The following ADGRA3 variants were observed in gnomAD, a reference collection of about 807,000 sequenced individuals.
ADGRA3 encodes G-protein coupled receptor 125.
A neutral mutation model predicts 119.8 loss-of-function variants in ADGRA3; 56 were observed. The ratio of observed to expected loss-of-function variants is 0.47; its 90% CI spans 0.38 to 0.58. The LOEUF (loss-of-function observed/expected upper bound fraction) is 0.58, where lower values mean the gene tolerates loss of function less well. ADGRA3 is among the 20% of genes least tolerant of loss of function. The probability of loss-of-function intolerance (pLI) is 0.00; values close to 1 mark genes in which losing one functional copy is unlikely to be tolerated. For synonymous variants in ADGRA3, 607 were observed against 623.8 expected (o/e 0.97, Z 0.40); for missense variants, 1,516 against 1,649.0 (o/e 0.92, Z 1.40).
chr4:22,387,446 C>T lies in ADGRA3; in HGVS notation c.*259G>A. On this transcript the variant is annotated 3_prime_UTR_variant, in exon 19 of 19. Coordinates refer to ENST00000334304, the MANE Select transcript of ADGRA3 (RefSeq NM_145290.4). ...AATATTAAGTACAAATTACAGATTC[C>T]AAGAAATTACATTTCACATCCCAAA... is the stretch of plus-strand genomic sequence containing the variant. 1 of 375,724 alleles carries T rather than the reference C, an allele frequency of 2.7e-6. No homozygotes were observed. 23.3% of individuals were successfully genotyped at this position (375,724 alleles called of 1,614,324 possible).
intron 1 of ADGRA3, among the ~76,000 whole-genome samples, chr4:22,513,062 A>T (rs754200870): frequency 3.3e-5 from 5 of 152,218 alleles, no homozygotes; most frequent in Middle Eastern, 3.4e-3. Context: ...TTCCCCAGTA[A>T]AATGAGGAAA....
chr4:22,477,958 AT>A (rs1259309484), intron 1 of ADGRA3: 3 of 152,218 alleles, frequency 2.0e-5, no homozygotes, highest in African/African-American at 7.2e-5. Context: ...CCTAAAACCC[AT>A]TCATAATCAA....
intron 2 of ADGRA3, among the ~76,000 whole-genome samples, chr4:22,467,683 A>G (rs1329881400): frequency 1.3e-5 from 2 of 152,230 alleles, no homozygotes; most frequent in Non-Finnish European, 2.9e-5. Flanking sequence ...GACATATTAT[A>G]TAACATTTAA....
chr4:22,513,130 G>A (rs937534195), intron 1 of ADGRA3, among the ~76,000 whole-genome samples: 34 of 147,820 alleles, frequency 2.3e-4, no homozygotes, highest in Non-Finnish European at 4.2e-4. Flanking sequence ...TCTTCAGCCA[G>A]AACAACTTTC....
intron 10 of ADGRA3, among the ~76,000 whole-genome samples, chr4:22,431,581 T>A (rs1467617662): frequency 6.6e-6 from 1 of 152,210 alleles, no homozygotes; most frequent in Admixed American, 6.5e-5. Flanking sequence ...CCCTTTTCAC[T>A]TGGCTCTCAT....
intron 1 of ADGRA3, among the ~76,000 whole-genome samples, chr4:22,510,535 G>A (rs79275035): frequency 0.016 from 2,366 of 151,848 alleles, 56 homozygotes; most frequent in African/African-American, 0.054. Context: ...TCTCCCCTCT[G>A]TGCACTCTCT....
chr4:22,512,427 C>G (rs1001519487), intron 1 of ADGRA3, among the ~76,000 whole-genome samples: 9 of 152,290 alleles, frequency 5.9e-5, no homozygotes, highest in Admixed American at 3.3e-4. Context: ...TGTATTCTGT[C>G]ATGAGCTGGA....
intron 10 of ADGRA3, among the ~76,000 whole-genome samples, chr4:22,428,199 G>C (rs578187805): frequency 4.7e-4 from 72 of 152,188 alleles, no homozygotes; most frequent in African/African-American, 1.7e-3. Context: ...GTGACTTGGA[G>C]TTAAATACTC....
At chr4:22,430,298 A>G (rs1220108281) in intron 10 of ADGRA3, among the ~76,000 whole-genome samples, 1 of 152,202 alleles carries the variant, frequency 6.6e-6, no homozygotes, top group Admixed American at 6.5e-5. Flanking sequence ...CTGGGTAACA[A>G]ATAGGCGTTG....
At chr4:22,425,877 A>T (rs73112127) in intron 10 of ADGRA3, among the ~76,000 whole-genome samples, 5,166 of 152,272 alleles carry the variant, frequency 0.034, 293 homozygotes, top group African/African-American at 0.12. Context: ...GGGTGAAGCA[A>T]CCACAGTAAA....
rs112799193 is a variant in ADGRA3, at chr4:22,420,980, G to A, written c.1715C>T (p.Ser572Leu). 5.7e-5 allele frequency: 92 copies of A among 1,614,006 alleles called. No homozygotes were observed. The highest frequency in any genetic ancestry group is 4.5e-4 in the African/African-American group (34 of 74,976). ...CTCTGGATCCCGCCTCCCATAATCC[G>A]AAAGTCCTGTACGATCAGAGGCTGC... ...KVAASDRTGL[S>L]DYGRRDPEGN... Residue 572 changes from serine to leucine, a missense_variant, in exon 12 of 19, where the codon TCG becomes TTG. Physicochemically the swap from Ser to Leu is moderately radical, Grantham distance 145. Coordinates refer to ENST00000334304, the MANE Select transcript of ADGRA3 (RefSeq NM_145290.4).
chr4:22,427,889 C>T (rs1263246306), intron 10 of ADGRA3, among the ~76,000 whole-genome samples: 1 of 152,126 alleles, frequency 6.6e-6, no homozygotes, highest in African/African-American at 2.4e-5. Flanking sequence ...ACCTGTCACA[C>T]TAAAGTGGGA....
chr4:22,487,905 C>T (rs539757002), intron 1 of ADGRA3, among the ~76,000 whole-genome samples: 50 of 152,276 alleles, frequency 3.3e-4, no homozygotes, highest in Admixed American at 2.9e-3. Flanking sequence ...AGCTGCCAGG[C>T]GCCTGGGAAG....
intron 1 of ADGRA3, among the ~76,000 whole-genome samples, chr4:22,511,983 G>A (rs1180309122): frequency 1.5e-5 from 2 of 130,202 alleles, no homozygotes; most frequent in Admixed American, 9.5e-5. Flanking sequence ...TGCAACCTCC[G>A]CCTCCCGGGT....
chr4:22,389,311 TGA>T, intron 17 of ADGRA3, 128 bp from the exon 18 acceptor site: 1 of 690,696 alleles, frequency 1.4e-6, no homozygotes, highest in Non-Finnish European at 2.5e-6. Context: ...AATAATAAGC[TGA>T]GAGTTAAGTT....
At chr4:22,392,357 A>G (rs1714167778) in intron 17 of ADGRA3, among the ~76,000 whole-genome samples, 188 bp downstream of exon 17, 1 of 152,192 alleles carries the variant, frequency 6.6e-6, no homozygotes, top group Non-Finnish European at 1.5e-5. Flanking sequence ...GAAGGCTCAG[A>G]GAGGGTACAG....
chr4:22,447,625 G>A (rs1716879718), intron 4 of ADGRA3, 114 bp from the exon 5 acceptor site: 2 of 591,406 alleles, frequency 3.4e-6, no homozygotes, highest in Non-Finnish European at 5.7e-6. Flanking sequence ...AAGAACTCAT[G>A]AAAGTTTCAA....
chr4:22,472,537 G>GTA lies in ADGRA3; in HGVS notation c.329+1233_329+1234dup, dbSNP rs576060828. ...TTTAAAAATATTCCTGTGTGTTTCT[G>GTA]TATATATATATATACACACAAACAC... On this transcript the variant is annotated intron_variant, in intron 2 of 18. Coordinates refer to ENST00000334304, the MANE Select transcript of ADGRA3 (RefSeq NM_145290.4). Among the ~76,000 whole-genome samples, 1,504 of 150,876 alleles carry GTA rather than the reference G, an allele frequency of 1.0e-2. 38 individuals carry two copies. Among genetic ancestry groups the GTA allele is most frequent in the East Asian group, 0.052 (269 of 5,152 alleles).
chr4:22,388,862 T>C lies in ADGRA3; in HGVS notation c.2809A>G (p.Ser937Gly). The change falls in exon 19 of 19, where the codon AGC becomes GGC. Residue 937 changes from serine to glycine, a missense_variant. Ser to Gly is a moderately conservative substitution (Grantham distance 56, BLOSUM62 0). Transcript: ENST00000334304. ...TGTCTTTTCAACTGAATAAATATGC[T>C]CAGAAAGTACATGCAGTTTACAAAA... ...ITFVNCMYFL[S>G]IFIQLKRHPE... The C allele has an allele frequency of 6.2e-7, 1 of 1,614,038 alleles. No individual in the cohort carries two copies. The highest frequency in any genetic ancestry group is 8.5e-7 in the Non-Finnish European group (1 of 1,179,978).
Sources: gnomAD v4.1 joint callset for allele counts (sites outside exome capture counted in the v4.1 genomes callset) on GRCh38, gnomAD v4.1.1 for gene constraint, MANE v1.5 for transcripts, NCBI Gene and HGNC (gene_info 2026-07-23, HGNC 2026-07-21) for gene names.